Variants in TBC1D22A observed in about 807,000 individuals in gnomAD.
TBC1D22A encodes putative GTPase activator.
In TBC1D22A, 38 loss-of-function variants were observed where a neutral mutation model predicts 60.2. That is an observed-to-expected ratio of 0.63 (90% CI 0.49 to 0.83). The LOEUF is 0.83. TBC1D22A is among the 40% of genes least tolerant of loss of function. The pLI is 0.00. For missense variants in TBC1D22A, 628 were observed against 701.0 expected, an observed-to-expected ratio of 0.90 and a Z score of 1.18; for synonymous variants, 302 against 281.7, an observed-to-expected ratio of 1.07 and a Z score of -0.72.
intron 11 of TBC1D22A, among the ~76,000 whole-genome samples, chr22:47,078,180 T>C (rs1444855357): frequency 1.3e-5 from 2 of 152,194 alleles, no homozygotes; most frequent in Admixed American, 6.5e-5. Flanking sequence ...ATGAGCAGGC[T>C]ATCACTTGGT....
intron 8 of TBC1D22A, among the ~76,000 whole-genome samples, chr22:46,945,386 C>T (rs2072470948): frequency 2.0e-5 from 3 of 152,178 alleles, no homozygotes; most frequent in African/African-American, 4.8e-5. Context: ...TTATTTAGCA[C>T]GTTGTTTCTG....
At chr22:46,905,655 G>A (rs1036793308) in intron 7 of TBC1D22A, among the ~76,000 whole-genome samples, 14 of 152,192 alleles carry the variant, frequency 9.2e-5, no homozygotes, top group African/African-American at 3.1e-4. Context: ...AGGCGGACAC[G>A]CGAGGGCCAG....
chr22:46,875,807 C>A (rs1268291933), intron 4 of TBC1D22A, among the ~76,000 whole-genome samples: 1 of 152,122 alleles, frequency 6.6e-6, no homozygotes, highest in Non-Finnish European at 1.5e-5. Context: ...TCACGCCCCC[C>A]AACAAACAAA....
At chr22:47,142,481 A>C (rs1469697827) in intron 12 of TBC1D22A, among the ~76,000 whole-genome samples, 1 of 18,034 alleles carries the variant, frequency 5.5e-5, no homozygotes, top group African/African-American at 2.4e-4. Flanking sequence ...TCACCCGCCC[A>C]CCCACCCATC....
chr22:47,018,228 C>T (rs977247128), intron 10 of TBC1D22A, among the ~76,000 whole-genome samples: 12 of 152,258 alleles, frequency 7.9e-5, no homozygotes, highest in South Asian at 4.1e-4. Flanking sequence ...CATGGAGGGG[C>T]GGAGTTTTCC....
chr22:47,101,555 A>C (rs984695041), intron 11 of TBC1D22A, among the ~76,000 whole-genome samples: 1 of 152,244 alleles, frequency 6.6e-6, no homozygotes, highest in Non-Finnish European at 1.5e-5. Flanking sequence ...GGAAAGGAGC[A>C]GTTTCCCCAG....
intron 8 of TBC1D22A, among the ~76,000 whole-genome samples, chr22:46,934,383 G>A (rs1038601555): frequency 6.6e-5 from 10 of 152,180 alleles, no homozygotes; most frequent in African/African-American, 1.4e-4. Context: ...GCGTGGGCAC[G>A]CACCCTTTCT....
intron 8 of TBC1D22A, among the ~76,000 whole-genome samples, chr22:46,942,703 C>T (rs1176826809): frequency 6.6e-6 from 1 of 152,212 alleles, no homozygotes; most frequent in African/African-American, 2.4e-5. Context: ...CTTCCTGTAG[C>T]AGTCACGTCG....
intron 8 of TBC1D22A, chr22:46,915,773 C>T (rs1413868573): frequency 6.6e-6 from 3 of 456,540 alleles, no homozygotes; most frequent in African/African-American, 2.0e-5. Context: ...TGTAAAGATC[C>T]ACAGATCCTG....
At chr22:47,003,091 G>T (rs796158866) in intron 10 of TBC1D22A, among the ~76,000 whole-genome samples, 1 of 152,080 alleles carries the variant, frequency 6.6e-6, no homozygotes, top group Non-Finnish European at 1.5e-5. Flanking sequence ...GGCTAGGGGC[G>T]CCAAACTGAG....
intron 12 of TBC1D22A, among the ~76,000 whole-genome samples, chr22:47,135,239 C>T (rs987362939): frequency 3.7e-4 from 56 of 152,332 alleles, no homozygotes; most frequent in African/African-American, 1.1e-3. Flanking sequence ...CGCTGCTTCC[C>T]GTCATCCCAG....
chr22:46,974,194 A>T, intron 8 of TBC1D22A, 96 bp from the exon 9 acceptor site: 1 of 965,996 alleles, frequency 1.0e-6, no homozygotes, highest in Non-Finnish European at 1.6e-6. Flanking sequence ...AGGGAGCTGG[A>T]TGCAGGCTCA....
intron 11 of TBC1D22A, among the ~76,000 whole-genome samples, chr22:47,072,304 G>C (rs1404096300): frequency 6.6e-6 from 1 of 152,216 alleles, no homozygotes; most frequent in Non-Finnish European, 1.5e-5. Context: ...CCAGGCCACA[G>C]CTTCTCCTTT....
At chr22:46,854,769 C>G (rs544987549) in intron 4 of TBC1D22A, among the ~76,000 whole-genome samples, 1 of 152,124 alleles carries the variant, frequency 6.6e-6, no homozygotes, top group Non-Finnish European at 1.5e-5. Context: ...TACAGCTCCC[C>G]GTTGCTTGCA....
rs117898509 is a variant in TBC1D22A, at chr22:46,967,181, A to G, written c.1016-7109A>G. On this transcript the variant is annotated intron_variant, in intron 8 of 12. Transcript: ENST00000337137. Reference sequence around the variant, plus strand: ...CTTGATTGAGTTGAACGTTATCCATATAAGAATTAAACATTCCCGCACTAG... The same window carrying G: ...CTTGATTGAGTTGAACGTTATCCATGTAAGAATTAAACATTCCCGCACTAG... Among the ~76,000 whole-genome samples the G allele has an allele frequency of 1.2e-3, 188 of 152,332 alleles. 1 individual carries two copies. The East Asian group carries it at 0.024, about 20-fold the overall frequency.
chr22:46,890,011 G>T, intron 5 of TBC1D22A, among the ~76,000 whole-genome samples: 1 of 152,288 alleles, frequency 6.6e-6, no homozygotes, highest in East Asian at 1.9e-4. Flanking sequence ...ATATCTGGGG[G>T]TTTTGCATCT....
intron 10 of TBC1D22A, among the ~76,000 whole-genome samples, chr22:47,013,546 C>G (rs1052632303): frequency 3.3e-5 from 5 of 152,176 alleles, no homozygotes; most frequent in African/African-American, 1.2e-4. Context: ...GCTAGAGAGA[C>G]TGTGTCTTTT....
intron 10 of TBC1D22A, among the ~76,000 whole-genome samples, chr22:47,000,047 C>T (rs1278133488): frequency 1.3e-5 from 2 of 152,118 alleles, no homozygotes; most frequent in Non-Finnish European, 2.9e-5. Flanking sequence ...CAAGCCTCTC[C>T]CTCTTTTCTG....
intron 12 of TBC1D22A, among the ~76,000 whole-genome samples, chr22:47,113,523 C>T (rs2065923646): frequency 6.6e-6 from 1 of 152,162 alleles, no homozygotes; most frequent in African/African-American, 2.4e-5. Context: ...CAGAAATCAC[C>T]CTGGGCCCCA....
Sources: gnomAD v4.1 joint callset for allele counts (sites outside exome capture counted in the v4.1 genomes callset) on GRCh38, gnomAD v4.1.1 for gene constraint, MANE v1.5 for transcripts, NCBI Gene and HGNC (gene_info 2026-07-23, HGNC 2026-07-21) for gene names.